The following U2SURP variants were observed in gnomAD, a reference collection of about 807,000 sequenced individuals.
The protein encoded by U2SURP is U2 snRNP-associated SURP motif-containing protein.
A neutral mutation model predicts 144.9 loss-of-function variants in U2SURP; 9 were observed. That is an observed-to-expected ratio of 0.06 (90% CI 0.04 to 0.11). U2SURP has a LOEUF of 0.11. Among genes scored for constraint, U2SURP ranks in the 10% least tolerant of loss-of-function variants. U2SURP has a pLI of 1.00. For synonymous variants in U2SURP, 408 were observed against 396.8 expected, an observed-to-expected ratio of 1.03 and a Z score of -0.33; for missense variants, 724 against 1,226.7, an observed-to-expected ratio of 0.59 and a Z score of 6.12.
At position 143,035,259 on chromosome 3, in the gene U2SURP, G is replaced by A. The variant is rs138595030; in HGVS notation, c.1941+284G>A. ...CAGAAGAATCACTTGTTTTGTAATG[G>A]TATATACTATTTGGCTGGATTAAAG... On this transcript the variant is annotated intron_variant, in intron 19 of 27. Coordinates refer to ENST00000473835, the MANE Select transcript of U2SURP (RefSeq NM_001080415.2). Among the ~76,000 whole-genome samples the A allele has an allele frequency of 3.2e-3, 486 of 151,976 alleles. 3 individuals carry two copies. The highest frequency in any genetic ancestry group is 5.5e-3 in the Non-Finnish European group (371 of 67,924).
Position 143,024,032 on chromosome 3 carries a change from TTTA to T in U2SURP, c.1274+21_1274+23del. The stretch of plus-strand genomic sequence containing the variant: ...CCCAACAGAAAGGTACATGTTTTTC[TTTA>T]TTATTACTGATCTAAATATAGACAA... On this transcript the variant is annotated intron_variant, in intron 13 of 27. Coordinates refer to ENST00000473835, the MANE Select transcript of U2SURP (RefSeq NM_001080415.2). The T allele has an allele frequency of 6.2e-7, 1 of 1,609,734 alleles. No individual in the cohort carries two copies. Among genetic ancestry groups the T allele is most frequent in the Non-Finnish European group, 8.5e-7 (1 of 1,176,204 alleles).
At chr3:143,003,464 T>G (rs2108263048) in intron 1 of U2SURP, among the ~76,000 whole-genome samples, 1 of 152,220 alleles carries the variant, frequency 6.6e-6, no homozygotes, top group East Asian at 1.9e-4. Flanking sequence ...GATATAATTC[T>G]TTTTTTACAT....
intron 13 of U2SURP, chr3:143,026,375 GAA>G (rs1387555498): frequency 2.6e-5 from 4 of 152,138 alleles, no homozygotes; most frequent in Non-Finnish European, 5.9e-5. Flanking sequence ...CAATATTTTG[GAA>G]AGAGTAGTAC....
intron 24 of U2SURP, among the ~76,000 whole-genome samples, chr3:143,046,592 C>T (rs1342314885): frequency 9.6e-6 from 1 of 104,176 alleles, no homozygotes; most frequent in African/African-American, 4.4e-5. Context: ...ATCCATTTAA[C>T]CCTGAGTGGA....
intron 10 of U2SURP, 95 bp downstream of exon 10, chr3:143,021,650 A>G (rs1205699417): frequency 1.7e-6 from 2 of 1,184,920 alleles, no homozygotes; most frequent in East Asian, 2.5e-5. Flanking sequence ...GAAGCTGACA[A>G]ATCTGATGGA....
In U2SURP at chr3:143,010,932, A is replaced by G. The variant is rs376623793; in HGVS notation, c.90+73A>G. ...TCTCCTCATATGTATCCCTACATCAATGATTTTACTTGACAAATAAATACA... is the reference window on the plus strand; with the variant it reads ...TCTCCTCATATGTATCCCTACATCAGTGATTTTACTTGACAAATAAATACA... On this transcript the variant is annotated intron_variant, in intron 2 of 27. Transcript: ENST00000473835. The G allele has an allele frequency of 8.4e-5, 94 of 1,117,850 alleles. No individual in the cohort carries two copies. The African/African-American group carries it at 1.1e-3, about 13-fold the overall frequency. The allele number at this position is 1,117,850 out of a possible 1,614,324, so 69.2% of individuals were successfully genotyped here. A position where few individuals can be genotyped will look rare whatever the true frequency, so the allele number is the denominator to read the frequency against.
intron 16 of U2SURP, among the ~76,000 whole-genome samples, chr3:143,030,607 C>G (rs1933423734): frequency 6.6e-6 from 1 of 152,172 alleles, no homozygotes; most frequent in Non-Finnish European, 1.5e-5. Context: ...TCCCATTGAT[C>G]AAGGAGTAAT....
chr3:143,055,970 G>T (rs1935128729), intron 27 of U2SURP, among the ~76,000 whole-genome samples: 1 of 152,070 alleles, frequency 6.6e-6, no homozygotes, highest in African/African-American at 2.4e-5. Context: ...GTAGATTAAA[G>T]GTTCAAATTT....
chr3:143,052,237 A>G (rs1393288039), intron 25 of U2SURP, among the ~76,000 whole-genome samples: 1 of 152,170 alleles, frequency 6.6e-6, no homozygotes, highest in Non-Finnish European at 1.5e-5. Flanking sequence ...TCTACTAAAA[A>G]TACAAAATTA....
rs11436960 is a variant in U2SURP, at chr3:143,052,950, G to GTTTT, written c.2656-712_2656-709dup. ...CATCTGGGGATAAGCAAATGTGTTG[G>GTTTT]TTTTTTTTTTTTTTTTTGGTTGATT... is the stretch of plus-strand genomic sequence containing the variant. On this transcript the variant is annotated intron_variant, in intron 25 of 27. Transcript: ENST00000473835. Among the ~76,000 whole-genome samples, 56 of 132,914 alleles carry GTTTT rather than the reference G, an allele frequency of 4.2e-4. 3 individuals carry two copies. In the South Asian group the frequency reaches 4.5e-3, roughly 11 times the overall value. The allele number at this position is 132,914 out of a possible 152,430, so 87.2% of individuals were successfully genotyped here.
intron 24 of U2SURP, among the ~76,000 whole-genome samples, chr3:143,043,722 T>C (rs1406603015): frequency 2.2e-5 from 1 of 46,058 alleles, no homozygotes; most frequent in African/African-American, 2.3e-4. Flanking sequence ...TATATGTATA[T>C]ATATATATAT....
rs763612551 is a variant in U2SURP at position 143,023,026 on chromosome 3, A to G, written c.1192A>G (p.Met398Val). 2.2e-5 allele frequency: 36 copies of G among 1,609,852 alleles called. No homozygotes were observed. Among genetic ancestry groups the G allele is most frequent in the Admixed American group, 5.1e-5 (3 of 59,376 alleles). The change falls in exon 12 of 28, where the codon ATG (methionine) becomes GTG (valine). Residue 398 changes from methionine to valine, a missense_variant. By Grantham distance (21) the Met-to-Val change is conservative. Transcript: ENST00000473835. ...RERLKNPNAPMLPPPKNKEDF... is the reference protein window; with the variant it reads ...RERLKNPNAPVLPPPKNKEDF... ...GCGGTTAAAAAACCCTAATGCTCCT[A>G]TGTTACCGCCACCTAAAAACAAAGA... is the stretch of plus-strand genomic sequence containing the variant.
intron 16 of U2SURP, among the ~76,000 whole-genome samples, chr3:143,031,900 G>C (rs980388338): frequency 3.2e-4 from 49 of 152,180 alleles, no homozygotes; most frequent in Middle Eastern, 3.4e-3. Flanking sequence ...TGTAATCCTA[G>C]GATCTGCAAA....
chr3:143,004,563 T>G (rs1161377310), intron 1 of U2SURP, among the ~76,000 whole-genome samples: 35 of 64,514 alleles, frequency 5.4e-4, no homozygotes, highest in East Asian at 1.7e-3. Flanking sequence ...GTTGGCCTCT[T>G]GACCTTGTGA....
At chr3:143,031,855 T>G (rs1240526672) in intron 16 of U2SURP, among the ~76,000 whole-genome samples, 1 of 152,160 alleles carries the variant, frequency 6.6e-6, no homozygotes, top group Non-Finnish European at 1.5e-5. Flanking sequence ...ACTGTTTGAG[T>G]GTATTTACTT....
intron 24 of U2SURP, among the ~76,000 whole-genome samples, chr3:143,049,827 A>G (rs1934756385): frequency 6.6e-6 from 1 of 152,210 alleles, no homozygotes; most frequent in Non-Finnish European, 1.5e-5. Flanking sequence ...TAAAAAGTAA[A>G]ATTAAGCTCA....
chr3:143,051,621 A>AAG (rs5853089), intron 25 of U2SURP, among the ~76,000 whole-genome samples: 2 of 150,416 alleles, frequency 1.3e-5, no homozygotes, highest in African/African-American at 4.9e-5. Flanking sequence ...AAAAAAAAAA[A>AAG]GAAAAACCAA....
chr3:143,021,181 A>ATCTT (rs1015975918), intron 8 of U2SURP, among the ~76,000 whole-genome samples, 169 bp from the exon 9 acceptor site: 7 of 152,304 alleles, frequency 4.6e-5, no homozygotes, highest in Non-Finnish European at 7.4e-5. Flanking sequence ...ACAGAGCAAG[A>ATCTT]GTCTGTCTCA....
At chr3:143,035,916 C>G (rs1460964729) in intron 19 of U2SURP, 66 bp from the exon 20 acceptor site, 40 of 1,478,970 alleles carry the variant, frequency 2.7e-5, no homozygotes, top group African/African-American at 4.3e-5. Context: ...TGATCATTCT[C>G]ATGAACTGAA....
Sources: gnomAD v4.1 joint callset for allele counts (sites outside exome capture counted in the v4.1 genomes callset) on GRCh38, gnomAD v4.1.1 for gene constraint, MANE v1.5 for transcripts, NCBI Gene and HGNC (gene_info 2026-07-23, HGNC 2026-07-21) for gene names.